Variants in ENTPD7 observed in about 807,000 individuals in gnomAD.
ENTPD7 encodes NTPDase 7.
Under a neutral mutation model 77.9 loss-of-function variants are expected in ENTPD7, and 53 were observed. The observed-to-expected ratio is 0.68, with a 90% confidence interval of 0.55 to 0.85. The LOEUF (loss-of-function observed/expected upper bound fraction) is 0.85, where lower values mean the gene tolerates loss of function less well. ENTPD7 is among the 40% of genes least tolerant of loss of function. The pLI, the probability that ENTPD7 is intolerant of heterozygous loss-of-function variation, is 0.00. For synonymous variants in ENTPD7, 248 were observed against 274.9 expected, an observed-to-expected ratio of 0.90 and a Z score of 0.97; for missense variants, 636 against 743.7, an observed-to-expected ratio of 0.86 and a Z score of 1.68.
At chr10:99,688,192 T>C (rs1310623920) in intron 6 of ENTPD7, among the ~76,000 whole-genome samples, 2 of 152,184 alleles carry the variant, frequency 1.3e-5, no homozygotes, top group Admixed American at 6.5e-5. Flanking sequence ...TTCAAGCTGC[T>C]CTTAAGTCTA....
In ENTPD7 at chr10:99,710,758, G is replaced by A. The variant is rs1478638956; in HGVS notation, c.*6075G>A. On this transcript the variant is annotated 3_prime_UTR_variant, in exon 13 of 13. Transcript: ENST00000370489. ...TTATCCTAAAATCATGATTATCAGT[G>A]TTGATCTCTGCAACCAACATTGCTT... The A allele has an allele frequency of 3.0e-6, 3 of 985,360 alleles. No homozygotes were observed. Among genetic ancestry groups the A allele is most frequent in the Non-Finnish European group, 3.6e-6 (3 of 829,902 alleles). The allele number at this position is 985,360 out of a possible 1,614,324, so 61.0% of individuals were successfully genotyped here.
rs1369106985 is a variant in ENTPD7 at position 99,704,811 on chromosome 10, T to C, written c.*128T>C. 1 of 853,562 alleles carries C rather than the reference T, an allele frequency of 1.2e-6. No homozygotes were observed. The allele number at this position is 853,562 out of a possible 1,614,324, so 52.9% of individuals were successfully genotyped here. On this transcript the variant is annotated 3_prime_UTR_variant, in exon 13 of 13. Coordinates refer to ENST00000370489, the MANE Select transcript of ENTPD7 (RefSeq NM_020354.5). ...GGATATTTGCCCTTGGAATTTCTAC[T>C]TTACTTTCTACCGTAATTCCTTCTC...
intron 9 of ENTPD7, 89 bp from the exon 10 acceptor site, chr10:99,698,445 A>G (rs1000225970): frequency 2.3e-6 from 3 of 1,280,074 alleles, no homozygotes; most frequent in Admixed American, 2.4e-5. Context: ...CAGTAGTAAG[A>G]TATTTCTGAT....
At chr10:99,669,750 T>TG (rs1370119795) in intron 3 of ENTPD7, among the ~76,000 whole-genome samples, 6 of 126,786 alleles carry the variant, frequency 4.7e-5, no homozygotes, top group Non-Finnish European at 8.4e-5. Context: ...GTTTTTTTTT[T>TG]TTTTTTTTTT....
intron 6 of ENTPD7, among the ~76,000 whole-genome samples, chr10:99,687,250 T>TCTTC (rs2035825174): frequency 1.9e-4 from 4 of 20,724 alleles, no homozygotes; most frequent in Admixed American, 1.7e-3. Flanking sequence ...TTTCTTTCTT[T>TCTTC]CTTTCTTTCT....
intron 3 of ENTPD7, among the ~76,000 whole-genome samples, chr10:99,677,141 G>A (rs1245174807): frequency 6.6e-6 from 1 of 152,038 alleles, no homozygotes; most frequent in Non-Finnish European, 1.5e-5. Context: ...GATTGGGGGT[G>A]GTTTTATTGT....
intron 5 of ENTPD7, among the ~76,000 whole-genome samples, chr10:99,683,649 A>T (rs1370679774): frequency 6.6e-6 from 1 of 152,218 alleles, no homozygotes; most frequent in Non-Finnish European, 1.5e-5. Context: ...TCCTGTCACT[A>T]TGTATACATG....
At chr10:99,701,905 G>A (rs775302322) in intron 11 of ENTPD7, among the ~76,000 whole-genome samples, 7 of 151,868 alleles carry the variant, frequency 4.6e-5, no homozygotes, top group Non-Finnish European at 7.4e-5. Context: ...AAAATTAGCA[G>A]GGTTTGGTGG....
chr10:99,688,758 A>G lies in ENTPD7; in HGVS notation c.709+8A>G. The G allele has an allele frequency of 6.2e-7, 1 of 1,613,770 alleles. No individual in the cohort carries two copies. Among genetic ancestry groups the G allele is most frequent in the Admixed American group, 1.7e-5 (1 of 60,006 alleles). On this transcript the variant is annotated splice_region_variant and intron_variant, in intron 7 of 12. Transcript: ENST00000370489. Reference sequence around the variant, plus strand: ...GATTCGACCACGAGGATGGTGAGTAATATTGTCTTTTTATGACAGTTTACC... The same window carrying G: ...GATTCGACCACGAGGATGGTGAGTAGTATTGTCTTTTTATGACAGTTTACC...
In ENTPD7 at chr10:99,710,205, G is replaced by A. The variant is rs994790543; in HGVS notation, c.*5522G>A. On this transcript the variant is annotated 3_prime_UTR_variant, in exon 13 of 13. Coordinates refer to ENST00000370489, the MANE Select transcript of ENTPD7 (RefSeq NM_020354.5). ...GGCCCCTCCTACAGAGCACTTGCCG[G>A]CATTTGGCCTGCTGCTGGTGAAGAC... 1.5e-5 allele frequency: 15 copies of A among 985,394 alleles called. No individual in the cohort carries two copies. The East Asian group carries it at 1.6e-3, about 104-fold the overall frequency. The allele number at this position is 985,394 out of a possible 1,614,324, so 61.0% of individuals were successfully genotyped here.
At chr10:99,667,185 G>A (rs897710505) in intron 3 of ENTPD7, among the ~76,000 whole-genome samples, 4 of 152,220 alleles carry the variant, frequency 2.6e-5, no homozygotes, top group Non-Finnish European at 5.9e-5. Context: ...GAATGCTGTG[G>A]CTCAGAGCTC....
At chr10:99,704,343 A>T in intron 12 of ENTPD7, 109 bp from the exon 13 acceptor site, 1 of 1,068,914 alleles carries the variant, frequency 9.4e-7, no homozygotes, top group Non-Finnish European at 1.4e-6. Flanking sequence ...TAAAATGTTT[A>T]TGTGGATGGA....
At chr10:99,672,040 A>G (rs1408094191) in intron 3 of ENTPD7, among the ~76,000 whole-genome samples, 2 of 152,196 alleles carry the variant, frequency 1.3e-5, no homozygotes, top group Non-Finnish European at 2.9e-5. Flanking sequence ...TGAAATTGAA[A>G]GCATTTATTC....
At chr10:99,669,385 A>G (rs2035590294) in intron 3 of ENTPD7, among the ~76,000 whole-genome samples, 1 of 152,202 alleles carries the variant, frequency 6.6e-6, no homozygotes, top group South Asian at 2.1e-4. Flanking sequence ...TTCAGGGGAT[A>G]TTAACCAGGA....
intron 5 of ENTPD7, among the ~76,000 whole-genome samples, chr10:99,685,252 C>T (rs1385657218): frequency 3.3e-5 from 5 of 151,914 alleles, no homozygotes. Context: ...AGTGAAACTC[C>T]GTCTCAAAAA....
chr10:99,701,094 T>A, intron 11 of ENTPD7, 36 bp downstream of exon 11: 1 of 1,511,176 alleles, frequency 6.6e-7, no homozygotes, highest in Non-Finnish European at 9.2e-7. Context: ...GATGTGGACT[T>A]AAAATCTAGA....
Position 99,698,872 on chromosome 10 carries a change from G to C in ENTPD7, c.1335+14G>C. ...AAGGCTGCTCAGGTAAATTATTAAT[G>C]ATAAACATGGCTTATGCTGGCAGCA... On this transcript the variant is annotated intron_variant, in intron 10 of 12. Transcript: ENST00000370489. The C allele has an allele frequency of 6.3e-7, 1 of 1,576,072 alleles. No individual in the cohort carries two copies. The highest frequency in any genetic ancestry group is 8.6e-7 in the Non-Finnish European group (1 of 1,160,600).
intron 2 of ENTPD7, among the ~76,000 whole-genome samples, chr10:99,660,954 G>C (rs1401951196): frequency 6.6e-6 from 1 of 152,052 alleles, no homozygotes; most frequent in Non-Finnish European, 1.5e-5. Context: ...CAACTGGGTA[G>C]TAATGTTTGC....
intron 3 of ENTPD7, among the ~76,000 whole-genome samples, chr10:99,665,506 TTCATTCATTCATTCA>T (rs1278759119): frequency 3.3e-5 from 5 of 152,014 alleles, no homozygotes; most frequent in African/African-American, 1.2e-4. Context: ...ACTTTGGTCA[TTCATTCATTCATTCA>T]TCATTCATTC....
Sources: allele counts gnomAD v4.1 joint callset (sites outside exome capture counted in the v4.1 genomes callset), GRCh38; gene constraint gnomAD v4.1.1; transcripts MANE v1.5; gene names NCBI Gene and HGNC (gene_info 2026-07-23, HGNC 2026-07-21).